Variants in APBB2 observed in about 807,000 individuals in gnomAD.
APBB2 encodes the protein amyloid beta precursor protein binding family B member 2, also known as Fe65-like 1.
A neutral mutation model predicts 82.5 loss-of-function variants in APBB2; 38 were observed. The observed-to-expected ratio is 0.46, with a 90% CI of 0.36 to 0.60. The LOEUF (loss-of-function observed/expected upper bound fraction) is 0.60, where lower values mean the gene tolerates loss of function less well. Ranked by LOEUF, APBB2 falls within the 20% of genes least tolerant of loss-of-function variation. The probability of loss-of-function intolerance (pLI) is 0.00; values close to 1 mark genes in which losing one functional copy is unlikely to be tolerated. For synonymous variants in APBB2, 341 were observed against 368.2 expected (o/e 0.93, Z 0.85); for missense variants, 772 against 972.3 (o/e 0.79, Z 2.74).
intron 10 of APBB2, among the ~76,000 whole-genome samples, chr4:40,924,116 C>A (rs906007493): frequency 6.6e-6 from 1 of 152,196 alleles, no homozygotes; most frequent in Non-Finnish European, 1.5e-5. Context: ...AGGTTACTTT[C>A]TCTGCGCCTT....
At chr4:40,945,802 G>T (rs1016038291) in intron 6 of APBB2, among the ~76,000 whole-genome samples, 4 of 152,078 alleles carry the variant, frequency 2.6e-5, no homozygotes, top group Admixed American at 2.0e-4. Context: ...TAGAGACGAG[G>T]TTTCACCATG....
intron 3 of APBB2, among the ~76,000 whole-genome samples, chr4:41,077,089 C>T (rs1016751739): frequency 1.3e-5 from 2 of 150,544 alleles, no homozygotes; most frequent in Non-Finnish European, 2.9e-5. Context: ...ACTGCAGCTT[C>T]GAATCCTTGG....
chr4:40,967,393 C>T (rs1794930822), intron 6 of APBB2, among the ~76,000 whole-genome samples: 1 of 152,186 alleles, frequency 6.6e-6, no homozygotes, highest in African/African-American at 2.4e-5. Context: ...AGAGCTGCAG[C>T]CTTTTGGGGA....
chr4:40,882,427 C>T (rs73148567), intron 12 of APBB2, among the ~76,000 whole-genome samples: 5,256 of 152,262 alleles, frequency 0.035, 232 homozygotes, highest in African/African-American at 0.1. Context: ...GAGGGCTTGC[C>T]TGCTAGCTGT....
At chr4:40,941,386 G>A (rs1285367267) in intron 7 of APBB2, among the ~76,000 whole-genome samples, 1 of 152,166 alleles carries the variant, frequency 6.6e-6, no homozygotes, top group African/African-American at 2.4e-5. Flanking sequence ...GGCTCCATAT[G>A]TGACATAGCC....
intron 5 of APBB2, among the ~76,000 whole-genome samples, chr4:41,027,162 A>C (rs1443552838): frequency 6.6e-6 from 1 of 151,946 alleles, no homozygotes; most frequent in Non-Finnish European, 1.5e-5. Flanking sequence ...ACCCGATTAA[A>C]GCCTTCTTCC....
Position 40,910,633 on chromosome 4 carries a change from C to T in APBB2, c.1255-17222G>A, listed in dbSNP as rs368925124. Among the ~76,000 whole-genome samples, 7 of 152,352 alleles carry T rather than the reference C, an allele frequency of 4.6e-5. No homozygotes were observed. The East Asian group carries it at 7.7e-4, about 17-fold the overall frequency. ...TAAAGGGGGATCCTTGAGATCAGGC[C>T]TGTTCTGTGGACCTCTGTATACCCA... On this transcript the variant is annotated intron_variant, in intron 10 of 17. Transcript: ENST00000508593.
intron 4 of APBB2, among the ~76,000 whole-genome samples, chr4:41,040,224 A>G (rs1720830577): frequency 6.6e-6 from 1 of 152,182 alleles, no homozygotes; most frequent in South Asian, 2.1e-4. Flanking sequence ...TTTAGTGATG[A>G]ATACTTTTAA....
intron 1 of APBB2, among the ~76,000 whole-genome samples, chr4:41,160,903 T>A (rs1429839271): frequency 2.6e-5 from 4 of 152,136 alleles, no homozygotes; most frequent in Admixed American, 2.6e-4. Context: ...CTCGCATGCA[T>A]TAGCTCACTT....
intron 4 of APBB2, among the ~76,000 whole-genome samples, chr4:41,043,930 C>T (rs142725944): frequency 1.4e-4 from 22 of 152,268 alleles, no homozygotes; most frequent in African/African-American, 4.8e-4. Flanking sequence ...TTTCTCCAAC[C>T]TCTGAATTGC....
At chr4:40,934,358 G>T (rs1162371475) in intron 10 of APBB2, 98 bp downstream of exon 10, 7 of 1,190,948 alleles carry the variant, frequency 5.9e-6, no homozygotes, top group Non-Finnish European at 7.4e-6. Flanking sequence ...TTATTAAATG[G>T]CTCTGGGTTG....
chr4:40,963,238 T>A (rs996249028), intron 6 of APBB2, among the ~76,000 whole-genome samples: 2 of 152,130 alleles, frequency 1.3e-5, no homozygotes, highest in African/African-American at 4.8e-5. Flanking sequence ...TACTTTTTCT[T>A]TTTTTCTTCC....
chr4:40,930,420 AGTGTGTGTGTGT>A (rs566261600), intron 10 of APBB2, among the ~76,000 whole-genome samples: 1 of 145,888 alleles, frequency 6.9e-6, no homozygotes, highest in African/African-American at 2.5e-5. Context: ...TCTTTGGGGA[AGTGTGTGTGTGT>A]GTGTGTGTGT....
At chr4:41,002,585 G>A (rs1360856728) in intron 6 of APBB2, among the ~76,000 whole-genome samples, 1 of 152,244 alleles carries the variant, frequency 6.6e-6, no homozygotes, top group Admixed American at 6.5e-5. Context: ...GCCTTGAGCT[G>A]GAGGGGACAG....
intron 4 of APBB2, among the ~76,000 whole-genome samples, chr4:41,038,669 C>A (rs903185471): frequency 2.0e-5 from 3 of 152,186 alleles, no homozygotes; most frequent in Non-Finnish European, 4.4e-5. Flanking sequence ...ATAGCTACTT[C>A]CCTAGAAACT....
At chr4:41,150,442 A>G (rs1469791504) in intron 1 of APBB2, among the ~76,000 whole-genome samples, 1 of 152,212 alleles carries the variant, frequency 6.6e-6, no homozygotes, top group Non-Finnish European at 1.5e-5. Flanking sequence ...AGTCTAGATC[A>G]TTAGGAATTA....
chr4:41,143,876 C>T (rs1446910469), intron 1 of APBB2, among the ~76,000 whole-genome samples: 1 of 152,174 alleles, frequency 6.6e-6, no homozygotes, highest in African/African-American at 2.4e-5. Context: ...CAAAAGGAAT[C>T]CCTTAACTAT....
At chr4:41,052,269 T>C (rs776516311) in intron 4 of APBB2, among the ~76,000 whole-genome samples, 1 of 147,950 alleles carries the variant, frequency 6.8e-6, no homozygotes, top group Non-Finnish European at 1.5e-5. Context: ...ACTTCACTGA[T>C]AGGCTCTTAT....
intron 4 of APBB2, among the ~76,000 whole-genome samples, chr4:41,062,812 G>A (rs996175324): frequency 2.6e-5 from 4 of 152,148 alleles, no homozygotes; most frequent in Admixed American, 2.6e-4. Flanking sequence ...CCAGTGAGGA[G>A]AAGATAGTTT....
Sources: gnomAD v4.1 joint callset for allele counts (sites outside exome capture counted in the v4.1 genomes callset) on GRCh38, gnomAD v4.1.1 for gene constraint, MANE v1.5 for transcripts, NCBI Gene and HGNC (gene_info 2026-07-23, HGNC 2026-07-21) for gene names.